Variants in CTNNA2 observed in about 807,000 individuals in gnomAD.
CTNNA2 encodes the protein catenin alpha 2.
CTNNA2 carries 42 observed loss-of-function variants against 101.0 expected under a neutral mutation model. The ratio of observed to expected loss-of-function variants is 0.42; its 90% CI spans 0.32 to 0.54. CTNNA2 has a LOEUF of 0.54. Among genes scored for constraint, CTNNA2 ranks in the 20% least tolerant of loss-of-function variants. The pLI is 0.14. For synonymous variants in CTNNA2, 450 were observed against 456.4 expected (o/e 0.99, Z 0.18); for missense variants, 871 against 1,223.1 (o/e 0.71, Z 4.29).
chr2:79,863,811 C>T (rs1429728275), intron 4 of CTNNA2, among the ~76,000 whole-genome samples: 1 of 152,096 alleles, frequency 6.6e-6, no homozygotes, highest in East Asian at 1.9e-4. Context: ...ACAAAGGAGT[C>T]ACTAAGGTGC....
intron 7 of CTNNA2, among the ~76,000 whole-genome samples, chr2:80,027,340 A>T (rs1215858681): frequency 6.6e-6 from 1 of 152,186 alleles, no homozygotes; most frequent in Non-Finnish European, 1.5e-5. Context: ...TGGAGGTGTG[A>T]TATGTAAGAT....
intron 7 of CTNNA2, among the ~76,000 whole-genome samples, chr2:79,917,221 G>A (rs1686312817): frequency 6.6e-6 from 1 of 151,874 alleles, no homozygotes; most frequent in African/African-American, 2.4e-5. Context: ...ACAGGTGCCT[G>A]CCACCACGTC....
chr2:80,008,958 T>G (rs1693572926), intron 7 of CTNNA2, among the ~76,000 whole-genome samples: 1 of 152,136 alleles, frequency 6.6e-6, no homozygotes, highest in African/African-American at 2.4e-5. Context: ...TTTTAGACTT[T>G]CCGAGACACT....
In CTNNA2 at chr2:79,977,495, C is replaced by A. The variant is rs530994113; in HGVS notation, c.1056+67698C>A. Among the ~76,000 whole-genome samples, 10 of 152,258 alleles carry A rather than the reference C, an allele frequency of 6.6e-5. No homozygotes were observed. In the South Asian group the frequency reaches 1.2e-3, roughly 19 times the overall value. On this transcript the variant is annotated intron_variant, in intron 7 of 18. Transcript: ENST00000402739. ...AGAAGGTCAACAGCACCTATTTAGA[C>A]TTGCCTATTTTTAATATTACCACCT...
intron 1 of CTNNA2, among the ~76,000 whole-genome samples, chr2:79,552,514 A>T (rs13397628): frequency 6.6e-6 from 1 of 152,006 alleles, no homozygotes. Context: ...GACTCTGTGT[A>T]GGGGCTCCAG....
chr2:80,467,297 A>T (rs1418473014), intron 9 of CTNNA2, among the ~76,000 whole-genome samples: 1 of 152,226 alleles, frequency 6.6e-6, no homozygotes, highest in Non-Finnish European at 1.5e-5. Context: ...AAAAAAGAAT[A>T]TATGCAGAAA....
intron 7 of CTNNA2, among the ~76,000 whole-genome samples, chr2:79,913,890 G>A (rs958366490): frequency 2.6e-5 from 4 of 152,016 alleles, no homozygotes; most frequent in African/African-American, 7.2e-5. Flanking sequence ...TACTTGGGCC[G>A]GGCACGGTGG....
Position 80,225,531 on chromosome 2 carries a change from G to GT in CTNNA2, c.1057-167679dup, listed in dbSNP as rs1558920205. Among the ~76,000 whole-genome samples, 11 of 152,254 alleles carry GT rather than the reference G, an allele frequency of 7.2e-5. 1 individual carries two copies. In the South Asian group the frequency reaches 2.1e-3, roughly 29 times the overall value. The stretch of plus-strand genomic sequence containing the variant: ...ATGCAGAATATGAGTCCTTTGTGAT[G>GT]TATATGTTTTAGAGCAGCAATTCCC... On this transcript the variant is annotated intron_variant, in intron 7 of 18. Coordinates refer to ENST00000402739, the MANE Select transcript of CTNNA2 (RefSeq NM_001282597.3).
At chr2:79,871,756 A>G (rs1028525984) in intron 5 of CTNNA2, among the ~76,000 whole-genome samples, 10 of 152,298 alleles carry the variant, frequency 6.6e-5, no homozygotes, top group Middle Eastern at 3.4e-3. Context: ...CACCTAAAAT[A>G]ACCAACACAG....
intron 7 of CTNNA2, among the ~76,000 whole-genome samples, chr2:80,325,906 T>C (rs1167193485): frequency 6.6e-6 from 1 of 152,216 alleles, no homozygotes; most frequent in African/African-American, 2.4e-5. Context: ...GATTGGTTTA[T>C]GGTTACATTG....
At chr2:80,589,892 G>GTGTGTC (rs1553400595) in intron 15 of CTNNA2, among the ~76,000 whole-genome samples, 1 of 149,266 alleles carries the variant, frequency 6.7e-6, no homozygotes, top group African/African-American at 2.5e-5. Context: ...GTGTGTGTGT[G>GTGTGTC]TGTGTGTGTG....
intron 7 of CTNNA2, among the ~76,000 whole-genome samples, chr2:80,270,019 A>G (rs1250405718): frequency 6.6e-6 from 1 of 152,218 alleles, no homozygotes; most frequent in Non-Finnish European, 1.5e-5. Context: ...TCAGCGCCAT[A>G]AACCAGGAGT....
intron 4 of CTNNA2, among the ~76,000 whole-genome samples, chr2:79,494,535 A>C (rs773897980): frequency 6.6e-6 from 1 of 152,216 alleles, no homozygotes; most frequent in East Asian, 1.9e-4. Context: ...ATTTTCCATG[A>C]AAGTGTCGAG....
At chr2:79,621,532 A>T (rs2104290919) in intron 1 of CTNNA2, among the ~76,000 whole-genome samples, 1 of 152,342 alleles carries the variant, frequency 6.6e-6, no homozygotes, top group East Asian at 1.9e-4. Context: ...ATACAGTAGT[A>T]TTGGATTATA....
intron 7 of CTNNA2, among the ~76,000 whole-genome samples, chr2:80,148,155 A>G (rs1401109823): frequency 2.6e-5 from 4 of 151,972 alleles, no homozygotes; most frequent in Admixed American, 2.6e-4. Flanking sequence ...CTCTATTTTC[A>G]GTTGAGTTGG....
At chr2:79,968,213 TAA>T (rs76059666) in intron 7 of CTNNA2, among the ~76,000 whole-genome samples, 1 of 148,676 alleles carries the variant, frequency 6.7e-6, no homozygotes, top group African/African-American at 2.5e-5. Flanking sequence ...TTTACTTCAA[TAA>T]AAAAAAAACA....
At chr2:80,116,809 T>G (rs1426831975) in intron 7 of CTNNA2, among the ~76,000 whole-genome samples, 1 of 151,908 alleles carries the variant, frequency 6.6e-6, no homozygotes, top group Non-Finnish European at 1.5e-5. Flanking sequence ...GTGGGCATAT[T>G]GAGTTCAGAA....
At chr2:79,188,538 A>G (rs1466769384) in intron 1 of CTNNA2, among the ~76,000 whole-genome samples, 1 of 152,162 alleles carries the variant, frequency 6.6e-6, no homozygotes, top group Non-Finnish European at 1.5e-5. Flanking sequence ...ATTGCATGGG[A>G]GAGGCAACAA....
At chr2:79,511,930 T>G (rs1379262229), upstream of CTNNA2, among the ~76,000 whole-genome samples, 1 of 152,222 alleles carries the variant, frequency 6.6e-6, no homozygotes, top group Non-Finnish European at 1.5e-5. Context: ...TAGCATGTTG[T>G]GAACTTAGCG....
Sources: allele counts gnomAD v4.1 joint callset (sites outside exome capture counted in the v4.1 genomes callset), GRCh38; gene constraint gnomAD v4.1.1; transcripts MANE v1.5; gene names NCBI Gene and HGNC (gene_info 2026-07-23, HGNC 2026-07-21).